The following SLC7A14 variants were observed in gnomAD, a reference collection of about 807,000 sequenced individuals.
SLC7A14 encodes the protein solute carrier family 7 member 14.
A neutral mutation model predicts 60.2 loss-of-function variants in SLC7A14; 37 were observed. The observed-to-expected ratio is 0.61, with a 90% confidence interval of 0.47 to 0.81. The LOEUF (loss-of-function observed/expected upper bound fraction) is 0.81. Among genes scored for constraint, SLC7A14 ranks in the 30% least tolerant of loss-of-function variants. The pLI is 0.00. For missense variants in SLC7A14, 886 were observed against 982.7 expected (o/e 0.90, Z 1.32); for synonymous variants, 399 against 395.8 (o/e 1.01, Z -0.10).
At chr3:170,544,928 C>T (rs150461964) in intron 1 of SLC7A14, among the ~76,000 whole-genome samples, 1,573 of 152,294 alleles carry the variant, frequency 0.01, 19 homozygotes, top group Non-Finnish European at 0.016. Context: ...AGTAGACATT[C>T]TGTGATGATG....
At chr3:170,576,800 C>T (rs982207096) in intron 1 of SLC7A14, among the ~76,000 whole-genome samples, 2 of 152,010 alleles carry the variant, frequency 1.3e-5, no homozygotes, top group African/African-American at 4.8e-5. Context: ...ATTCTAGATC[C>T]CAGTCCACCA....
chr3:170,531,281 G>A (rs1039988143), intron 1 of SLC7A14, among the ~76,000 whole-genome samples: 2 of 152,068 alleles, frequency 1.3e-5, no homozygotes, highest in South Asian at 4.2e-4. Flanking sequence ...CCTCTTAACA[G>A]CTCTCCTCGG....
intron 4 of SLC7A14, 68 bp downstream of exon 4, chr3:170,498,599 C>T: frequency 7.0e-7 from 1 of 1,429,760 alleles, no homozygotes; most frequent in Non-Finnish European, 9.8e-7. Context: ...GAAAATATGT[C>T]TTAGGTTGGT....
intron 1 of SLC7A14, among the ~76,000 whole-genome samples, chr3:170,581,388 A>C (rs921891695): frequency 1.3e-5 from 2 of 152,174 alleles, no homozygotes; most frequent in African/African-American, 4.8e-5. Flanking sequence ...CTTAAAAACT[A>C]TTAGTTAAAA....
chr3:170,580,294 C>A (rs566810326), intron 1 of SLC7A14, among the ~76,000 whole-genome samples: 2 of 152,204 alleles, frequency 1.3e-5, no homozygotes, highest in Non-Finnish European at 2.9e-5. Context: ...TGTCAGTTCT[C>A]TTTATCTCTT....
In SLC7A14 at chr3:170,526,815, G is replaced by T. The variant is rs1204240241; in HGVS notation, c.122C>A (p.Thr41Asn). 6.2e-7 allele frequency: 1 copy of T among 1,614,198 alleles called. No homozygotes were observed. Among genetic ancestry groups the T allele is most frequent in the Non-Finnish European group, 8.5e-7 (1 of 1,180,030 alleles). Residue 41 changes from threonine to asparagine, a missense_variant, in exon 2 of 8, where the codon ACC becomes AAC. Thr to Asn is a moderately conservative substitution (Grantham distance 65). Transcript: ENST00000231706. Reference protein sequence around the residue: ...PVESMLEGTGTTTAHGTKLAQ... With the variant: ...PVESMLEGTGNTTAHGTKLAQ... ...TAGCTTAGTTCCATGTGCCGTGGTGGTCCCAGTTCCCTCTAGCATGGACTC... is the reference window on the plus strand; with the variant it reads ...TAGCTTAGTTCCATGTGCCGTGGTGTTCCCAGTTCCCTCTAGCATGGACTC...
At chr3:170,510,402 AAATAAAT>A (rs1560264143) in intron 2 of SLC7A14, among the ~76,000 whole-genome samples, 23 of 121,146 alleles carry the variant, frequency 1.9e-4, no homozygotes, top group South Asian at 2.5e-4. Context: ...AAAAAAAAAT[AAATAAAT>A]AAATAAATAA....
Position 170,527,053 on chromosome 3 carries a change from A to G in SLC7A14, c.-117T>C. The G allele has an allele frequency of 5.3e-6, 6 of 1,141,094 alleles. No homozygotes were observed. The South Asian group carries it at 9.7e-5, about 18-fold the overall frequency. 70.7% of individuals were successfully genotyped at this position (1,141,094 alleles called of 1,614,324 possible). On this transcript the variant is annotated 5_prime_UTR_variant, in exon 2 of 8. Coordinates refer to ENST00000231706, the MANE Select transcript of SLC7A14 (RefSeq NM_020949.3). ...GATCTCCCTTTTAGGAAAGGCCCAG[A>G]GGGACCCAGTGCAGCCTTCTCCTGG... is the stretch of plus-strand genomic sequence containing the variant.
At chr3:170,492,339 A>C (rs1392003888) in intron 4 of SLC7A14, among the ~76,000 whole-genome samples, 1 of 152,148 alleles carries the variant, frequency 6.6e-6, no homozygotes, top group African/African-American at 2.4e-5. Context: ...AAAATTAAAA[A>C]ATAGTATTGA....
At chr3:170,529,436 G>T (rs956827022) in intron 1 of SLC7A14, among the ~76,000 whole-genome samples, 3 of 152,088 alleles carry the variant, frequency 2.0e-5, no homozygotes, top group African/African-American at 7.2e-5. Context: ...CAGAAAATTG[G>T]CCTGTTGCTT....
intron 6 of SLC7A14, among the ~76,000 whole-genome samples, chr3:170,482,646 G>A (rs1577501618): frequency 6.6e-6 from 1 of 152,226 alleles, no homozygotes; most frequent in Non-Finnish European, 1.5e-5. Context: ...TATTGGTGTG[G>A]TTAAAAGTCT....
intron 1 of SLC7A14, among the ~76,000 whole-genome samples, chr3:170,544,883 C>A (rs572360191): frequency 1.1e-4 from 16 of 152,288 alleles, no homozygotes; most frequent in African/African-American, 3.8e-4. Flanking sequence ...CCATTCAGAG[C>A]AGATTAGGGA....
intron 7 of SLC7A14, among the ~76,000 whole-genome samples, chr3:170,469,714 C>T (rs77940763): frequency 0.017 from 2,571 of 152,152 alleles, 56 homozygotes; most frequent in East Asian, 0.06. Flanking sequence ...TTCTAGACAC[C>T]CAGGCAGATG....
At chr3:170,550,158 C>A (rs1714302374) in intron 1 of SLC7A14, among the ~76,000 whole-genome samples, 1 of 151,968 alleles carries the variant, frequency 6.6e-6, no homozygotes, top group African/African-American at 2.4e-5. Context: ...TGTGATGGGG[C>A]ATTCTGCCCA....
chr3:170,509,841 G>T (rs1269437752), intron 2 of SLC7A14, among the ~76,000 whole-genome samples: 1 of 151,890 alleles, frequency 6.6e-6, no homozygotes, highest in Non-Finnish European at 1.5e-5. Flanking sequence ...CACTTTGGGA[G>T]GCCGAGGTGG....
intron 1 of SLC7A14, among the ~76,000 whole-genome samples, chr3:170,531,655 T>C (rs1271972492): frequency 6.6e-6 from 1 of 152,220 alleles, no homozygotes; most frequent in African/African-American, 2.4e-5. Flanking sequence ...TAGGTGACTA[T>C]TGGCAATATC....
chr3:170,498,953 C>G (rs1412687298), intron 3 of SLC7A14, 69 bp from the exon 4 acceptor site: 1 of 1,449,568 alleles, frequency 6.9e-7, no homozygotes, highest in Non-Finnish European at 9.6e-7. Context: ...CCTGGTCCTA[C>G]CCCACTGCAT....
chr3:170,530,792 G>A (rs1331082968), intron 1 of SLC7A14, among the ~76,000 whole-genome samples: 1 of 152,212 alleles, frequency 6.6e-6, no homozygotes, highest in Non-Finnish European at 1.5e-5. Context: ...CCAGGGCAGT[G>A]CCTGTACACA....
intron 1 of SLC7A14, among the ~76,000 whole-genome samples, chr3:170,577,624 C>CAA (rs56357954): frequency 5.9e-3 from 301 of 51,166 alleles, no homozygotes; most frequent in African/African-American, 7.7e-3. Context: ...GACTCCGTCT[C>CAA]AAAAAAAAAA....
Sources: gnomAD v4.1 joint callset for allele counts (sites outside exome capture counted in the v4.1 genomes callset) on GRCh38, gnomAD v4.1.1 for gene constraint, MANE v1.5 for transcripts, NCBI Gene and HGNC (gene_info 2026-07-23, HGNC 2026-07-21) for gene names.